Variants in WLS observed in about 807,000 individuals in gnomAD.
The protein encoded by WLS is Wnt ligand secretion mediator.
Under a neutral mutation model 62.8 loss-of-function variants are expected in WLS, and 23 were observed. The observed-to-expected ratio is 0.37, with a 90% confidence interval of 0.26 to 0.52. WLS has a LOEUF of 0.52. Ranked by LOEUF, WLS falls within the 20% of genes least tolerant of loss-of-function variation. The pLI, the probability that WLS is intolerant of heterozygous loss-of-function variation, is 0.92. For missense variants in WLS, 615 were observed against 697.3 expected (o/e 0.88, Z 1.33); for synonymous variants, 246 against 244.1 (o/e 1.01, Z -0.07).
At chr1:68,226,398 C>T (rs996537132) in intron 1 of WLS, among the ~76,000 whole-genome samples, 4 of 152,038 alleles carry the variant, frequency 2.6e-5, no homozygotes, top group African/African-American at 9.7e-5. Context: ...ACCAATTTGC[C>T]AAGGTTTTGT....
At chr1:68,227,133 C>T (rs1260679743) in intron 1 of WLS, among the ~76,000 whole-genome samples, 1 of 152,200 alleles carries the variant, frequency 6.6e-6, no homozygotes. Flanking sequence ...GCATCTTGTG[C>T]CTGTAATCCC....
chr1:68,134,577 C>T (rs112810938), intron 11 of WLS, among the ~76,000 whole-genome samples: 3 of 152,172 alleles, frequency 2.0e-5, no homozygotes, highest in African/African-American at 4.8e-5. Context: ...ATGACATGAG[C>T]CTTGTTTTGC....
At position 68,126,184 on chromosome 1, in the gene WLS, C is replaced by T; in HGVS notation, c.*42G>A. On this transcript the variant is annotated 3_prime_UTR_variant, in exon 12 of 12. Coordinates refer to ENST00000262348, the MANE Select transcript of WLS (RefSeq NM_024911.7). ...ATGCTCCCCACTCTAGTTAGAGGGG[C>T]TGGGGTATGGAGAGACCGTCCCAGC... 1 of 1,610,994 alleles carries T rather than the reference C, an allele frequency of 6.2e-7. No individual in the cohort carries two copies. Among genetic ancestry groups the T allele is most frequent in the Non-Finnish European group, 8.5e-7 (1 of 1,178,548 alleles).
chr1:68,163,990 G>C (rs1407899504), intron 2 of WLS, among the ~76,000 whole-genome samples: 2 of 152,182 alleles, frequency 1.3e-5, no homozygotes, highest in African/African-American at 4.8e-5. Flanking sequence ...CAGATCCCTG[G>C]TTCTCAGAAG....
At chr1:68,202,333 C>G (rs1649063411) in intron 1 of WLS, 1 of 152,176 alleles carries the variant, frequency 6.6e-6, no homozygotes, top group Non-Finnish European at 1.5e-5. Context: ...TAAAATCTGC[C>G]AATCATTGGA....
chr1:68,148,120 C>G lies in WLS; in HGVS notation c.1134+16G>C, dbSNP rs759272195. ...AGGGGAAGAAATAAAACCCTGAGCCCATCAAGGAAGGATACGGCCAGCTCT... is the reference window on the plus strand; with the variant it reads ...AGGGGAAGAAATAAAACCCTGAGCCGATCAAGGAAGGATACGGCCAGCTCT... On this transcript the variant is annotated intron_variant, in intron 8 of 11. Coordinates refer to ENST00000262348, the MANE Select transcript of WLS (RefSeq NM_024911.7). 10 of 1,613,862 alleles carry G rather than the reference C, an allele frequency of 6.2e-6. No individual in the cohort carries two copies. The highest frequency in any genetic ancestry group is 8.5e-6 in the Non-Finnish European group (10 of 1,179,954).
chr1:68,144,495 C>G, intron 10 of WLS, 74 bp downstream of exon 10: 4 of 1,422,930 alleles, frequency 2.8e-6, no homozygotes, highest in East Asian at 2.3e-5. Context: ...CTCAGTGGCT[C>G]TATTGAATTT....
chr1:68,218,689 C>T (rs920921157), intron 1 of WLS, among the ~76,000 whole-genome samples: 4 of 152,096 alleles, frequency 2.6e-5, no homozygotes, highest in African/African-American at 9.7e-5. Context: ...AAGTCACAGG[C>T]CTCCGTTCCT....
At chr1:68,154,476 A>C (rs1466673936) in intron 4 of WLS, among the ~76,000 whole-genome samples, 2 of 152,236 alleles carry the variant, frequency 1.3e-5, no homozygotes, top group Non-Finnish European at 2.9e-5. Flanking sequence ...ATATACCATT[A>C]AATAAAGAAA....
In WLS at chr1:68,126,149, T is replaced by G. The variant is rs1646426582; in HGVS notation, c.*77A>C. 1.9e-6 allele frequency: 3 copies of G among 1,572,990 alleles called. No homozygotes were observed. Among genetic ancestry groups the G allele is most frequent in the Non-Finnish European group, 1.7e-6 (2 of 1,159,660 alleles). On this transcript the variant is annotated 3_prime_UTR_variant, in exon 12 of 12. Coordinates refer to ENST00000262348, the MANE Select transcript of WLS (RefSeq NM_024911.7). ...TGAGGCATTCATTTGTACATTGAGC[T>G]CTCTCTGGCATGCTCCCCACTCTAG...
intron 2 of WLS, among the ~76,000 whole-genome samples, chr1:68,174,625 G>C (rs1468398094): frequency 6.6e-6 from 1 of 152,156 alleles, no homozygotes; most frequent in Non-Finnish European, 1.5e-5. Flanking sequence ...CACAACACAA[G>C]AGTGTTAAGC....
chr1:68,231,870 G>T (rs183747507), intron 1 of WLS: 3 of 232,958 alleles, frequency 1.3e-5, no homozygotes, highest in South Asian at 3.0e-5. Flanking sequence ...GGGGGGGGGG[G>T]GGCGAGCAAT....
intron 1 of WLS, chr1:68,231,934 C>A: frequency 2.0e-6 from 1 of 508,718 alleles, no homozygotes; most frequent in South Asian, 1.8e-5. Context: ...CTTAAGATTC[C>A]CACCCCCGCC....
At chr1:68,118,581 T>A (rs1052224631) in intron 11 of WLS, among the ~76,000 whole-genome samples, 2 of 152,126 alleles carry the variant, frequency 1.3e-5, no homozygotes, top group African/African-American at 4.8e-5. Flanking sequence ...ATGCTTACAA[T>A]AGCACCTGGC....
chr1:68,232,123 C>A lies in WLS; in HGVS notation c.106+71G>T. 32 of 1,596,508 alleles carry A rather than the reference C, an allele frequency of 2.0e-5. 1 individual carries two copies. In the South Asian group the frequency reaches 3.4e-4, roughly 17 times the overall value. On this transcript the variant is annotated intron_variant, in intron 1 of 11. Coordinates refer to ENST00000262348, the MANE Select transcript of WLS (RefSeq NM_024911.7). ...AAGGCAGTGATACTGTAACAAGTAGCCCAAGAGGCAAAGAGGGAAGGGGCC... is the reference window on the plus strand; with the variant it reads ...AAGGCAGTGATACTGTAACAAGTAGACCAAGAGGCAAAGAGGGAAGGGGCC...
At chr1:68,209,113 A>G (rs1649403132) in intron 1 of WLS, among the ~76,000 whole-genome samples, 2 of 151,582 alleles carry the variant, frequency 1.3e-5, no homozygotes, top group South Asian at 4.2e-4. Flanking sequence ...AGCTGCCAGT[A>G]GCATCTTCAT....
chr1:68,183,905 A>G (rs1647746969), intron 2 of WLS, among the ~76,000 whole-genome samples: 1 of 152,012 alleles, frequency 6.6e-6, no homozygotes, highest in Middle Eastern at 3.4e-3. Context: ...CCACTTATAG[A>G]AAGAATTCTG....
At chr1:68,197,841 T>C (rs923911637) in intron 1 of WLS, among the ~76,000 whole-genome samples, 1 of 152,094 alleles carries the variant, frequency 6.6e-6, no homozygotes, top group Non-Finnish European at 1.5e-5. Context: ...GTGTGTGGGA[T>C]TAAGAGAAAA....
At position 68,186,949 on chromosome 1, in the gene WLS, C is replaced by A. The variant is rs151094293; in HGVS notation, c.379+7006G>T. On this transcript the variant is annotated intron_variant, in intron 2 of 11. Transcript: ENST00000262348. ...GCAGCTGGCCAGGCATGGTAGCTCACGCCTGTAATCCCCGCATTTTGGGAG... is the reference window on the plus strand; with the variant it reads ...GCAGCTGGCCAGGCATGGTAGCTCAAGCCTGTAATCCCCGCATTTTGGGAG... 3.9e-5 allele frequency among the ~76,000 whole-genome samples: 6 copies of A among 151,984 alleles called. No individual in the cohort carries two copies. In the East Asian group the frequency reaches 1.2e-3, roughly 29 times the overall value.
Sources: allele counts gnomAD v4.1 joint callset (sites outside exome capture counted in the v4.1 genomes callset), GRCh38; gene constraint gnomAD v4.1.1; transcripts MANE v1.5; gene names NCBI Gene and HGNC (gene_info 2026-07-23, HGNC 2026-07-21).